The following FSTL5 variants were observed in gnomAD, a reference collection of about 807,000 sequenced individuals.
The protein encoded by FSTL5 is follistatin like 5, also known as follistatin-related protein 5.
Under a neutral mutation model 89.1 loss-of-function variants are expected in FSTL5, and 62 were observed. The observed-to-expected ratio is 0.70, with a 90% CI of 0.57 to 0.86. The LOEUF (loss-of-function observed/expected upper bound fraction) is 0.86. Ranked by LOEUF, FSTL5 falls within the 40% of genes least tolerant of loss-of-function variation. The pLI is 0.00. For synonymous variants in FSTL5, 383 were observed against 346.2 expected (o/e 1.11, Z -1.18); for missense variants, 1,057 against 1,001.6 (o/e 1.06, Z -0.75).
intron 4 of FSTL5, among the ~76,000 whole-genome samples, chr4:161,810,476 G>A (rs1730104591): frequency 1.3e-5 from 2 of 152,120 alleles, no homozygotes. Flanking sequence ...GTGTAGAAAT[G>A]TTTAACAGGA....
At chr4:162,102,815 C>T (rs1731058588) in intron 2 of FSTL5, among the ~76,000 whole-genome samples, 1 of 142,006 alleles carries the variant, frequency 7.0e-6, no homozygotes, top group Non-Finnish European at 1.5e-5. Context: ...CCTGGACAAG[C>T]TTGGCTTTAA....
intron 7 of FSTL5, among the ~76,000 whole-genome samples, chr4:161,643,560 C>A (rs996674241): frequency 6.6e-6 from 1 of 151,640 alleles, no homozygotes; most frequent in Non-Finnish European, 1.5e-5. Context: ...TAGCTGAATG[C>A]CTAGAAAAAC....
chr4:162,112,811 A>G (rs1413565222), intron 1 of FSTL5, among the ~76,000 whole-genome samples: 2 of 149,072 alleles, frequency 1.3e-5, no homozygotes, highest in Non-Finnish European at 3.0e-5. Context: ...ACACACACAC[A>G]CACACCAGTG....
intron 3 of FSTL5, among the ~76,000 whole-genome samples, chr4:161,977,629 AAAAAAAAAAAAAT>A (rs1735694308): frequency 4.6e-5 from 4 of 86,400 alleles, no homozygotes; most frequent in Admixed American, 1.3e-4. Context: ...AAAAAAAAAA[AAAAAAAAAAAAAT>A]AATAATAATA....
intron 3 of FSTL5, among the ~76,000 whole-genome samples, chr4:161,962,435 C>T (rs185165091): frequency 7.2e-5 from 11 of 152,070 alleles, no homozygotes; most frequent in African/African-American, 2.4e-4. Context: ...TTTCTTCTAT[C>T]GTAACCATCT....
At chr4:161,504,156 T>A (rs1268883420) in intron 11 of FSTL5, among the ~76,000 whole-genome samples, 1 of 151,894 alleles carries the variant, frequency 6.6e-6, no homozygotes, top group Non-Finnish European at 1.5e-5. Context: ...TATGGCTCCA[T>A]GTAATGGGTT....
At chr4:161,485,020 A>T (rs886852931) in intron 12 of FSTL5, among the ~76,000 whole-genome samples, 11 of 152,212 alleles carry the variant, frequency 7.2e-5, no homozygotes, top group Non-Finnish European at 1.5e-5. Context: ...CAATTTCATG[A>T]CAAGTAAACA....
At chr4:161,853,587 C>A (rs893510798) in intron 4 of FSTL5, among the ~76,000 whole-genome samples, 1 of 150,236 alleles carries the variant, frequency 6.7e-6, no homozygotes, top group Non-Finnish European at 1.5e-5. Context: ...AAAGGAAAAT[C>A]TTAAACTTTC....
rs568470812 is a variant in FSTL5, at chr4:161,508,510, T to C, written c.1339+1888A>G. 1.3e-4 allele frequency among the ~76,000 whole-genome samples: 20 copies of C among 152,302 alleles called. No individual in the cohort carries two copies. In the East Asian group the frequency reaches 3.1e-3, roughly 23 times the overall value. On this transcript the variant is annotated intron_variant, in intron 11 of 15. Transcript: ENST00000306100. ...GAAATCGTGATGCATAAGAACATTA[T>C]TCTTGATGGAGAATAATTACTGAGG... is the stretch of plus-strand genomic sequence containing the variant.
chr4:161,855,171 T>C lies in FSTL5; in HGVS notation c.409+65233A>G, dbSNP rs143620222. 7.1e-3 allele frequency among the ~76,000 whole-genome samples: 1,074 copies of C among 152,070 alleles called. 18 individuals carry two copies. Among genetic ancestry groups the C allele is most frequent in the African/African-American group, 0.023 (962 of 41,540 alleles). ...TCTAATTGTGGTATTAGGGGTAAAT[T>C]AATTATATTACAATAAATATAAAAA... On this transcript the variant is annotated intron_variant, in intron 4 of 15. Transcript: ENST00000306100.
chr4:161,920,771 G>A, intron 3 of FSTL5, 119 bp from the exon 4 acceptor site: 1 of 952,422 alleles, frequency 1.0e-6, no homozygotes, highest in Non-Finnish European at 1.5e-6. Flanking sequence ...GTGTATTCAG[G>A]GCTCAATTTT....
At chr4:161,778,302 T>G (rs910999925) in intron 4 of FSTL5, among the ~76,000 whole-genome samples, 3 of 152,234 alleles carry the variant, frequency 2.0e-5, no homozygotes, top group African/African-American at 7.2e-5. Flanking sequence ...CATAAATAAT[T>G]TGAAAATTAC....
intron 6 of FSTL5, among the ~76,000 whole-genome samples, chr4:161,683,159 T>C (rs1737586382): frequency 6.6e-6 from 1 of 152,212 alleles, no homozygotes; most frequent in Non-Finnish European, 1.5e-5. Flanking sequence ...GTACTGTACA[T>C]AATTGTATGT....
At chr4:161,872,997 T>A (rs900474034) in intron 4 of FSTL5, among the ~76,000 whole-genome samples, 1 of 152,134 alleles carries the variant, frequency 6.6e-6, no homozygotes, top group Non-Finnish European at 1.5e-5. Flanking sequence ...CATATAGTAA[T>A]GTTAAAGACA....
chr4:162,139,765 TCAAA>T (rs1732654068), intron 1 of FSTL5, among the ~76,000 whole-genome samples: 1 of 152,126 alleles, frequency 6.6e-6, no homozygotes, highest in African/African-American at 2.4e-5. Flanking sequence ...GAGGGAATTC[TCAAA>T]CAAGGAACAA....
At chr4:161,480,057 C>T (rs1260569916) in intron 13 of FSTL5, among the ~76,000 whole-genome samples, 1 of 151,998 alleles carries the variant, frequency 6.6e-6, no homozygotes, top group African/African-American at 2.4e-5. Context: ...TAGTGCTAGA[C>T]AGAAATCAAA....
At chr4:161,468,798 C>T (rs952997303) in intron 13 of FSTL5, among the ~76,000 whole-genome samples, 1 of 152,044 alleles carries the variant, frequency 6.6e-6, no homozygotes, top group African/African-American at 2.4e-5. Context: ...ATCTGTAAGA[C>T]TGTGTGTATA....
At chr4:161,600,816 G>A (rs752136582) in intron 7 of FSTL5, among the ~76,000 whole-genome samples, 3 of 151,930 alleles carry the variant, frequency 2.0e-5, no homozygotes, top group Non-Finnish European at 2.9e-5. Context: ...CCTTATCTTG[G>A]GATATAAATG....
At chr4:161,810,397 A>C (rs1367234689) in intron 4 of FSTL5, among the ~76,000 whole-genome samples, 1 of 152,172 alleles carries the variant, frequency 6.6e-6, no homozygotes, top group Non-Finnish European at 1.5e-5. Context: ...AGAATGCAAG[A>C]GGGGAAAAAT....
Sources: gnomAD v4.1 joint callset for allele counts (sites outside exome capture counted in the v4.1 genomes callset) on GRCh38, gnomAD v4.1.1 for gene constraint, MANE v1.5 for transcripts, NCBI Gene and HGNC (gene_info 2026-07-23, HGNC 2026-07-21) for gene names.